The following SORBS2 variants were observed in gnomAD, a reference collection of about 807,000 sequenced individuals.
SORBS2 encodes sorbin and SH3 domain-containing protein 2.
SORBS2 carries 46 observed loss-of-function variants against 97.7 expected under a neutral mutation model. The observed-to-expected ratio is 0.47, with a 90% CI of 0.37 to 0.60. SORBS2 has a LOEUF of 0.60. Among genes scored for constraint, SORBS2 ranks in the 20% least tolerant of loss-of-function variants. SORBS2 has a pLI of 0.00. For missense variants in SORBS2, 1,316 were observed against 1,282.3 expected (o/e 1.03, Z -0.40); for synonymous variants, 476 against 473.4 (o/e 1.01, Z -0.07).
At chr4:185,604,337 C>T (rs1462756152) in intron 12 of SORBS2, among the ~76,000 whole-genome samples, 1 of 152,120 alleles carries the variant, frequency 6.6e-6, no homozygotes, top group Non-Finnish European at 1.5e-5. Flanking sequence ...ACTCAAGATG[C>T]AGTTACCTTT....
At chr4:185,853,522 A>T (rs1003005076) in intron 1 of SORBS2, among the ~76,000 whole-genome samples, 3 of 152,268 alleles carry the variant, frequency 2.0e-5, no homozygotes, top group Non-Finnish European at 2.9e-5. Flanking sequence ...TGTGAGTATA[A>T]AAAGGAGAAC....
chr4:185,611,885 A>G (rs149619052), exon 12 of SORBS2: 55 of 1,613,948 alleles, frequency 3.4e-5, no homozygotes, highest in Middle Eastern at 1.6e-4. Context: ...CGACCTCCAC[A>G]TAGGAAACAG....
chr4:185,757,293 A>C (rs536822382), intron 2 of SORBS2: 35 of 202,388 alleles, frequency 1.7e-4, no homozygotes, highest in Non-Finnish European at 2.9e-4. Flanking sequence ...GCCATTTCAT[A>C]ATTAGCTTCT....
chr4:185,635,216 G>A, intron 4 of SORBS2, 139 bp downstream of exon 16: 2 of 637,288 alleles, frequency 3.1e-6, no homozygotes, highest in South Asian at 2.0e-5. Flanking sequence ...GATACTGGAT[G>A]CAACATAATG....
exon 15 of SORBS2, chr4:185,586,093 G>A (rs935776895): frequency 6.6e-6 from 1 of 152,030 alleles, no homozygotes; most frequent in African/African-American, 2.4e-5. Context: ...TACAAAAAAA[G>A]AGCAAACATA....
At chr4:185,654,217 G>A (rs1045654724) in intron 1 of SORBS2, among the ~76,000 whole-genome samples, 9 of 152,296 alleles carry the variant, frequency 5.9e-5, no homozygotes, top group African/African-American at 2.2e-4. Context: ...GACGGGACAT[G>A]GTGGAAGGGA....
intron 1 of SORBS2, among the ~76,000 whole-genome samples, chr4:185,814,741 C>T (rs1282721145): frequency 1.3e-5 from 2 of 152,222 alleles, no homozygotes; most frequent in Admixed American, 1.3e-4. Context: ...TGAGATGAAT[C>T]CCTTTCCCCT....
chr4:185,855,935 G>A (rs983592101), intron 1 of SORBS2, among the ~76,000 whole-genome samples: 1 of 152,174 alleles, frequency 6.6e-6, no homozygotes, highest in Non-Finnish European at 1.5e-5. Context: ...ATGAATCACT[G>A]TGTTTAATAA....
Position 185,662,169 on chromosome 4 carries a change from G to T in SORBS2, c.29C>A (p.Pro10His), listed in dbSNP as rs113941304. 318 of 1,613,970 alleles carry T rather than the reference G, an allele frequency of 2.0e-4. 1 individual carries two copies. The highest frequency in any genetic ancestry group is 2.6e-4 in the Non-Finnish European group (311 of 1,179,984). Residue 10 changes from proline (P) to histidine (H), a missense_variant, in exon 5 of 21, where the codon CCC (proline) becomes CAC (histidine). Pro to His is a moderately conservative substitution (Grantham distance 77, BLOSUM62 -2). Transcript: ENST00000284776. ...TGAGGCTGGGAGAGAATATGCCGAG[G>T]GGGAAAACGGCCTCTGATAGTAACT...
intron 7 of SORBS2, among the ~76,000 whole-genome samples, chr4:185,620,667 A>G (rs2096706091): frequency 6.6e-6 from 1 of 152,180 alleles, no homozygotes; most frequent in Non-Finnish European, 1.5e-5. Context: ...GTGGTGATGA[A>G]CATTCTCCTT....
intron 12 of SORBS2, 111 bp downstream of exon 24, chr4:185,611,669 C>A: frequency 1.2e-6 from 1 of 803,966 alleles, no homozygotes; most frequent in Non-Finnish European, 2.0e-6. Context: ...ATATGTAAAT[C>A]TCTTTCTCTG....
intron 12 of SORBS2, among the ~76,000 whole-genome samples, chr4:185,609,068 C>G (rs1299968340): frequency 6.6e-6 from 1 of 151,692 alleles, no homozygotes; most frequent in Non-Finnish European, 1.5e-5. Context: ...CATCTTAATA[C>G]AGGATTCAGG....
chr4:185,928,922 G>A (rs1048379759), intron 1 of SORBS2, among the ~76,000 whole-genome samples: 5 of 152,138 alleles, frequency 3.3e-5, no homozygotes, highest in Admixed American at 1.3e-4. Context: ...GAAGTCATGG[G>A]CACTGTGTTG....
intron 4 of SORBS2, chr4:185,676,847 G>T (rs1035214458): frequency 4.7e-6 from 3 of 632,244 alleles, no homozygotes; most frequent in Non-Finnish European, 5.4e-6. Flanking sequence ...ATTTAGTAGG[G>T]TTTTAAATTG....
intron 1 of SORBS2, among the ~76,000 whole-genome samples, chr4:185,853,662 A>G (rs964684888): frequency 2.6e-5 from 4 of 152,242 alleles, no homozygotes; most frequent in Non-Finnish European, 5.9e-5. Context: ...GTTCTCAAAC[A>G]TTCTCCCAGA....
chr4:185,700,166 GAATAAGTCTAAGGGCTTTAATGC>G (rs1561992607), intron 2 of SORBS2, among the ~76,000 whole-genome samples: 1 of 152,154 alleles, frequency 6.6e-6, no homozygotes, highest in Non-Finnish European at 1.5e-5. Context: ...AATTTATATG[GAATAAGTCTAAGGGCTTTAATGC>G]AATTGTTGAA....
At chr4:185,649,242 A>G (rs1190061634) in intron 3 of SORBS2, among the ~76,000 whole-genome samples, 1 of 152,210 alleles carries the variant, frequency 6.6e-6, no homozygotes, top group African/African-American at 2.4e-5. Context: ...AAATGTGTCC[A>G]TATTACTTCA....
intron 2 of SORBS2, among the ~76,000 whole-genome samples, chr4:185,743,690 T>C (rs2098741084): frequency 6.6e-6 from 1 of 152,154 alleles, no homozygotes; most frequent in Non-Finnish European, 1.5e-5. Flanking sequence ...CAGGGCAAAC[T>C]AAGACTCTGA....
chr4:185,912,641 A>T (rs72709756), intron 1 of SORBS2, among the ~76,000 whole-genome samples: 30,304 of 150,582 alleles, frequency 0.2, 3,567 homozygotes, highest in Non-Finnish European at 0.27. Context: ...GTAGGAGAAA[A>T]GGGAAAGGGT....
Sources: gnomAD v4.1 joint callset for allele counts (sites outside exome capture counted in the v4.1 genomes callset) on GRCh38, gnomAD v4.1.1 for gene constraint, MANE v1.5 for transcripts, NCBI Gene and HGNC (gene_info 2026-07-23, HGNC 2026-07-21) for gene names.